Variants in NPIPB2 observed in about 807,000 individuals in gnomAD.
NPIPB2 encodes nuclear pore complex interacting protein family member B2, also known as nuclear pore complex-interacting protein family member B2.
In NPIPB2, 27 loss-of-function variants were observed where a neutral mutation model predicts 30.8. The ratio of observed to expected loss-of-function variants is 0.88; its 90% CI spans 0.65 to 1.21. NPIPB2 has a LOEUF of 1.21. Among genes scored for constraint, NPIPB2 ranks in the 50% most tolerant of loss-of-function variants. NPIPB2 has a pLI of 0.00. For missense variants in NPIPB2, 440 were observed against 446.2 expected, an observed-to-expected ratio of 0.99 and a Z score of 0.13; for synonymous variants, 147 against 162.0, an observed-to-expected ratio of 0.91 and a Z score of 0.70.
At chr16:11,946,931 G>A (rs1022699571), upstream of NPIPB2, among the ~76,000 whole-genome samples, 2 of 151,224 alleles carry the variant, frequency 1.3e-5, no homozygotes, top group South Asian at 2.1e-4. Flanking sequence ...TGTTGGCCAG[G>A]CTGATCTCGA....
chr16:11,966,102 C>G, intron 1 of NPIPB2: 13 of 1,354,284 alleles, frequency 9.6e-6, no homozygotes, highest in Non-Finnish European at 1.3e-5. Context: ...CAGAGCAAGA[C>G]TTTGTCTCAA....
chr16:11,967,954 T>G, intron 1 of NPIPB2: 1 of 1,275,722 alleles, frequency 7.8e-7, no homozygotes, highest in Non-Finnish European at 1.1e-6. Flanking sequence ...CGATACAGCT[T>G]TTTGTCCTCT....
intron 2 of NPIPB2, among the ~76,000 whole-genome samples, chr16:11,937,233 T>A (rs1338751427): frequency 1.3e-5 from 2 of 152,212 alleles, no homozygotes; most frequent in African/African-American, 4.8e-5. Context: ...GCAGAAGAGT[T>A]TAGAAAGAAT....
intron 1 of NPIPB2, among the ~76,000 whole-genome samples, chr16:11,940,222 T>C (rs1308339930): frequency 8.8e-6 from 1 of 114,062 alleles, no homozygotes; most frequent in African/African-American, 2.8e-5. Flanking sequence ...TGGTGGCACA[T>C]GTCTGTAATC....
chr16:11,959,204 G>T (rs551143621), intron 1 of NPIPB2, among the ~76,000 whole-genome samples: 1 of 151,982 alleles, frequency 6.6e-6, no homozygotes, highest in Non-Finnish European at 1.5e-5. Flanking sequence ...TCTATGTCAC[G>T]CAAGGGCAAA....
intron 1 of NPIPB2, among the ~76,000 whole-genome samples, chr16:11,947,383 C>T (rs564321479): frequency 1.3e-5 from 2 of 150,016 alleles, no homozygotes; most frequent in East Asian, 2.0e-4. Flanking sequence ...CTCGCTCTGT[C>T]GCCCAGGCTG....
chr16:11,935,018 G>T (rs2054846656), intron 2 of NPIPB2, among the ~76,000 whole-genome samples: 1 of 139,774 alleles, frequency 7.2e-6, no homozygotes, highest in East Asian at 2.1e-4. Flanking sequence ...CTGAGTTCTA[G>T]AATTTGTAAC....
At chr16:11,944,325 C>G (rs1025194907), upstream of NPIPB2, among the ~76,000 whole-genome samples, 1 of 151,660 alleles carries the variant, frequency 6.6e-6, no homozygotes, top group African/African-American at 2.4e-5. Context: ...TGCCACCACA[C>G]CCAGCTAATT....
intron 1 of NPIPB2, among the ~76,000 whole-genome samples, chr16:11,975,224 T>C (rs1192211845): frequency 1.1e-5 from 1 of 93,292 alleles, no homozygotes; most frequent in Non-Finnish European, 2.0e-5. Flanking sequence ...CTCGGCTCAC[T>C]GCAAGCTCCG....
intron 1 of NPIPB2, among the ~76,000 whole-genome samples, chr16:11,941,626 C>T (rs1442150207): frequency 1.3e-5 from 2 of 151,916 alleles, no homozygotes; most frequent in Non-Finnish European, 2.9e-5. Flanking sequence ...CTGCTATCCA[C>T]CAAACCTTCT....
intron 1 of NPIPB2, among the ~76,000 whole-genome samples, chr16:11,938,709 C>T (rs1460715697): frequency 1.3e-5 from 2 of 151,958 alleles, no homozygotes; most frequent in Non-Finnish European, 2.9e-5. Flanking sequence ...ACATGCAGCC[C>T]GTCACTCATG....
chr16:11,966,028 T>C (rs370684194), intron 1 of NPIPB2, among the ~76,000 whole-genome samples: 200 of 152,224 alleles, frequency 1.3e-3, no homozygotes, highest in African/African-American at 4.6e-3. Context: ...GGAGAATTGT[T>C]TGAACTTGGG....
At chr16:11,964,187 G>A (rs747109861) in intron 1 of NPIPB2, among the ~76,000 whole-genome samples, 1 of 152,066 alleles carries the variant, frequency 6.6e-6, no homozygotes, top group African/African-American at 2.4e-5. Flanking sequence ...AGGTGTTAGC[G>A]GTGATGACTT....
chr16:11,958,425 TA>T (rs35610717), intron 1 of NPIPB2, among the ~76,000 whole-genome samples: 20,257 of 137,570 alleles, frequency 0.15, 2,065 homozygotes, highest in African/African-American at 0.29. Context: ...GAGACTCCGT[TA>T]AAAAAAAAAA....
intron 2 of NPIPB2, among the ~76,000 whole-genome samples, chr16:11,935,619 T>A (rs536322355): frequency 6.6e-6 from 1 of 151,928 alleles, no homozygotes. Flanking sequence ...TGGCCTGAAA[T>A]AATATCTTTC....
chr16:11,951,663 CA>C (rs1567473685), intron 1 of NPIPB2, among the ~76,000 whole-genome samples: 10 of 148,798 alleles, frequency 6.7e-5, no homozygotes, highest in South Asian at 2.3e-4. Context: ...CACACACACA[CA>C]CACCCAGCCC....
At chr16:11,965,224 T>C in intron 1 of NPIPB2, 1 of 1,506,172 alleles carries the variant, frequency 6.6e-7, no homozygotes. Flanking sequence ...TTCTCAACAT[T>C]CTAGCTGCTC....
At chr16:11,967,747 G>A (rs751132454) in intron 1 of NPIPB2, 22 of 1,614,082 alleles carry the variant, frequency 1.4e-5, no homozygotes, top group Non-Finnish European at 1.7e-5. Flanking sequence ...ATGGAGGAAG[G>A]CGCAACCATT....
chr16:11,971,281 G>A (rs1482387788), intron 1 of NPIPB2, among the ~76,000 whole-genome samples: 2 of 152,162 alleles, frequency 1.3e-5, no homozygotes, highest in Non-Finnish European at 2.9e-5. Flanking sequence ...CAATGGCCAT[G>A]ACACAGCCCT....
Sources: gnomAD v4.1 joint callset for allele counts (sites outside exome capture counted in the v4.1 genomes callset) on GRCh38, gnomAD v4.1.1 for gene constraint, MANE v1.5 for transcripts, NCBI Gene and HGNC (gene_info 2026-07-23, HGNC 2026-07-21) for gene names.